The following MYRFL variants were observed in gnomAD, a reference collection of about 807,000 sequenced individuals.
The protein encoded by MYRFL is myelin regulatory factor-like protein.
Under a neutral mutation model 109.4 loss-of-function variants are expected in MYRFL, and 88 were observed. The ratio of observed to expected loss-of-function variants is 0.80; its 90% CI spans 0.68 to 0.96. The LOEUF (loss-of-function observed/expected upper bound fraction) is 0.96, where lower values mean the gene tolerates loss of function less well. Among genes scored for constraint, MYRFL ranks in the 40% least tolerant of loss-of-function variants. The pLI is 0.00. For missense variants in MYRFL, 957 were observed against 954.9 expected (o/e 1.00, Z -0.03); for synonymous variants, 324 against 320.9 (o/e 1.01, Z -0.10).
intron 2 of MYRFL, among the ~76,000 whole-genome samples, chr12:69,878,337 C>A (rs1229851060): frequency 2.0e-5 from 3 of 152,044 alleles, no homozygotes; most frequent in Non-Finnish European, 2.9e-5. Flanking sequence ...GTTATACAAC[C>A]CCTGAACTCC....
intron 13 of MYRFL, among the ~76,000 whole-genome samples, chr12:69,913,279 C>A (rs1021774243): frequency 2.0e-5 from 3 of 152,086 alleles, no homozygotes; most frequent in African/African-American, 7.2e-5. Flanking sequence ...TTAATAGTGT[C>A]TTTATGTACA....
chr12:69,935,857 G>A (rs148068465), intron 16 of MYRFL: 4 of 477,996 alleles, frequency 8.4e-6, no homozygotes, highest in African/African-American at 6.0e-5. Context: ...CAGGGCTGGG[G>A]GGCTGCTCTA....
chr12:69,866,660 C>A (rs1286941071), intron 2 of MYRFL, among the ~76,000 whole-genome samples: 1 of 152,088 alleles, frequency 6.6e-6, no homozygotes, highest in South Asian at 2.1e-4. Context: ...CAGTGTCAAC[C>A]CTTTATCTCA....
chr12:69,948,355 C>T (rs1344670265), intron 19 of MYRFL, among the ~76,000 whole-genome samples: 1 of 152,180 alleles, frequency 6.6e-6, no homozygotes, highest in African/African-American at 2.4e-5. Flanking sequence ...AAAAACCTTA[C>T]CCCACCAGGT....
chr12:69,957,381 T>C (rs913520633), intron 22 of MYRFL, among the ~76,000 whole-genome samples: 1 of 152,116 alleles, frequency 6.6e-6, no homozygotes, highest in Non-Finnish European at 1.5e-5. Context: ...TTATAAAAAA[T>C]ACATATGGAG....
intron 2 of MYRFL, among the ~76,000 whole-genome samples, chr12:69,863,378 C>T (rs551114750): frequency 5.9e-5 from 9 of 152,204 alleles, no homozygotes; most frequent in African/African-American, 2.2e-4. Context: ...TCCATCTGGT[C>T]CTGGACTCTT....
In MYRFL at chr12:69,879,269, G is replaced by A. The variant is rs2136332417; in HGVS notation, c.280G>A (p.Ala94Thr). The A allele has an allele frequency of 1.4e-6, 1 of 702,878 alleles. No homozygotes were observed. The highest frequency in any genetic ancestry group is 2.7e-5 in the East Asian group (1 of 37,274). 43.5% of individuals were successfully genotyped at this position (702,878 alleles called of 1,614,324 possible). A position where few individuals can be genotyped will look rare whatever the true frequency, so the allele number is the denominator to read the frequency against. Residue 94 changes from alanine to threonine, a missense_variant, in exon 4 of 25, where the codon GCG becomes ACG. Coordinates refer to ENST00000552032, the MANE Select transcript of MYRFL (RefSeq NM_182530.3). ...TTTTCTCCACCCCACAGCTGCTCCT[G>A]CGATGCCGCCCATGCACCCGCTGCA... ...APFLHPTAAP[A>T]MPPMHPLQST...
chr12:69,876,841 A>G (rs1592740027), intron 2 of MYRFL, among the ~76,000 whole-genome samples: 2 of 152,062 alleles, frequency 1.3e-5, no homozygotes, highest in South Asian at 4.2e-4. Context: ...GAATTCTTCT[A>G]TTTTTTCAGC....
intron 19 of MYRFL, among the ~76,000 whole-genome samples, chr12:69,943,620 T>C (rs929290915): frequency 9.9e-5 from 15 of 151,366 alleles, no homozygotes; most frequent in African/African-American, 3.4e-4. Context: ...GACATAGGCA[T>C]GGGCAAGGAC....
chr12:69,892,498 C>A (rs1256919599), intron 7 of MYRFL, among the ~76,000 whole-genome samples: 1 of 152,060 alleles, frequency 6.6e-6, no homozygotes, highest in Non-Finnish European at 1.5e-5. Flanking sequence ...ACAGCCTCAA[C>A]TTCCTGGGCT....
rs1316344380 is a variant in MYRFL, at chr12:69,958,550, C to CTT, written c.*21_*22dup. On this transcript the variant is annotated 3_prime_UTR_variant, in exon 25 of 25. Coordinates refer to ENST00000552032, the MANE Select transcript of MYRFL (RefSeq NM_182530.3). Reference sequence around the variant, plus strand: ...TGCCTAATTTGTTCAAGTTTGGGGACTTTACCAAAGAAAAATACTCAGGAA... The same window carrying CTT: ...TGCCTAATTTGTTCAAGTTTGGGGACTTTTTACCAAAGAAAAATACTCAGGAA... 8 of 1,497,550 alleles carry CTT rather than the reference C, an allele frequency of 5.3e-6. No individual in the cohort carries two copies. Among genetic ancestry groups the CTT allele is most frequent in the Admixed American group, 2.1e-5 (1 of 46,774 alleles). The allele number at this position is 1,497,550 out of a possible 1,614,324, so 92.8% of individuals were successfully genotyped here.
rs138543811 is a variant in MYRFL, at chr12:69,923,886, A to C, written c.1603-2685A>C. 2.4e-3 allele frequency among the ~76,000 whole-genome samples: 361 copies of C among 152,202 alleles called. 1 individual carries two copies. The highest frequency in any genetic ancestry group is 8.2e-3 in the African/African-American group (340 of 41,534). On this transcript the variant is annotated intron_variant, in intron 13 of 24. Transcript: ENST00000552032. ...TAAAAATTTTGTTTATTTTTTATAC[A>C]TATTTAAAATACCTACATATGGGCC...
intron 19 of MYRFL, among the ~76,000 whole-genome samples, chr12:69,942,550 C>T (rs1318873221): frequency 0.032 from 4,667 of 144,830 alleles, 263 homozygotes; most frequent in African/African-American, 0.11. Flanking sequence ...ATAATAAGAG[C>T]TATCTATGAC....
Position 69,871,130 on chromosome 12 carries a change from A to G in MYRFL, c.138-7898A>G, listed in dbSNP as rs551563014. 1.2e-4 allele frequency among the ~76,000 whole-genome samples: 19 copies of G among 152,204 alleles called. No individual in the cohort carries two copies. In the East Asian group the frequency reaches 3.5e-3, roughly 28 times the overall value. ...TTTAAGAAGTCAAATGATACTGTATATAGCATATAATAGGAGATTACCAGC... is the reference window on the plus strand; with the variant it reads ...TTTAAGAAGTCAAATGATACTGTATGTAGCATATAATAGGAGATTACCAGC... On this transcript the variant is annotated intron_variant, in intron 2 of 24. Coordinates refer to ENST00000552032, the MANE Select transcript of MYRFL (RefSeq NM_182530.3).
At chr12:69,857,137 T>C (rs534181710) in intron 2 of MYRFL, among the ~76,000 whole-genome samples, 1 of 152,050 alleles carries the variant, frequency 6.6e-6, no homozygotes, top group East Asian at 1.9e-4. Flanking sequence ...TTTCTTTCAT[T>C]AAATTACCTT....
chr12:69,894,214 T>C (rs1010664469), intron 8 of MYRFL, among the ~76,000 whole-genome samples: 3 of 151,982 alleles, frequency 2.0e-5, no homozygotes, highest in African/African-American at 7.2e-5. Context: ...GCCAGGCTGG[T>C]CTTGAATTCC....
At chr12:69,842,415 G>C (rs148436354) in intron 1 of MYRFL, among the ~76,000 whole-genome samples, 1 of 152,106 alleles carries the variant, frequency 6.6e-6, no homozygotes, top group East Asian at 1.9e-4. Context: ...ACCTAACAAG[G>C]TCAACATTTA....
chr12:69,954,822 T>C (rs1321594149), intron 21 of MYRFL, among the ~76,000 whole-genome samples: 1 of 152,242 alleles, frequency 6.6e-6, no homozygotes, highest in African/African-American at 2.4e-5. Context: ...GGGGGGAATC[T>C]ATGTATAAGC....
intron 6 of MYRFL, among the ~76,000 whole-genome samples, chr12:69,887,815 A>C (rs535451436): frequency 6.6e-6 from 1 of 152,328 alleles, no homozygotes; most frequent in South Asian, 2.1e-4. Flanking sequence ...GTGTTTAATA[A>C]GCTAAAGGAA....
Sources: allele counts gnomAD v4.1 joint callset (sites outside exome capture counted in the v4.1 genomes callset), GRCh38; gene constraint gnomAD v4.1.1; transcripts MANE v1.5; gene names NCBI Gene and HGNC (gene_info 2026-07-23, HGNC 2026-07-21).